PLEKHG5: variants seen among roughly 807,000 people sequenced by gnomAD.
PLEKHG5 encodes pleckstrin homology domain-containing family G member 5.
A neutral mutation model predicts 103.8 loss-of-function variants in PLEKHG5; 52 were observed. The ratio of observed to expected loss-of-function variants is 0.50; its 90% CI spans 0.40 to 0.63. The LOEUF (loss-of-function observed/expected upper bound fraction) is 0.63, where lower values mean the gene tolerates loss of function less well. PLEKHG5 is among the 30% of genes least tolerant of loss of function. PLEKHG5 has a pLI of 0.00. For missense variants in PLEKHG5, 1,205 were observed against 1,347.6 expected, an observed-to-expected ratio of 0.89 and a Z score of 1.66; for synonymous variants, 592 against 575.5, an observed-to-expected ratio of 1.03 and a Z score of -0.41.
chr1:6,467,293 C>T lies in PLEKHG5; in HGVS notation c.*270G>A. 1 of 593,440 alleles carries T rather than the reference C, an allele frequency of 1.7e-6. No individual in the cohort carries two copies. The highest frequency in any genetic ancestry group is 1.9e-5 in the South Asian group (1 of 53,206). The allele number at this position is 593,440 out of a possible 1,614,324, so 36.8% of individuals were successfully genotyped here. ...GAAGTAGGATGGGCAGCCTAGGAGC[C>T]CAGCCCTGAAGACTCGAGCTGAGCT... On this transcript the variant is annotated 3_prime_UTR_variant, in exon 21 of 21. Transcript: ENST00000377728.
Position 6,485,387 on chromosome 1 carries a change from C to T in PLEKHG5, c.-88+6250G>A, listed in dbSNP as rs1468295319. The T allele has an allele frequency of 2.1e-6, 3 of 1,398,776 alleles. No homozygotes were observed. The African/African-American group carries it at 4.6e-5, about 21-fold the overall frequency. The allele number at this position is 1,398,776 out of a possible 1,614,324, so 86.6% of individuals were successfully genotyped here. On this transcript the variant is annotated intron_variant, in intron 1 of 20. Coordinates refer to ENST00000377728, the MANE Select transcript of PLEKHG5 (RefSeq NM_020631.6). Reference sequence around the variant, plus strand: ...AGGGCTCCGAGTCCCGGAGGGGCAGCCCCGGGCCCGGCCTGGAGGCTGCTA... The same window carrying T: ...AGGGCTCCGAGTCCCGGAGGGGCAGTCCCGGGCCCGGCCTGGAGGCTGCTA...
At chr1:6,516,267 A>G (rs1405532999) in intron 1 of PLEKHG5, among the ~76,000 whole-genome samples, 5 of 152,134 alleles carry the variant, frequency 3.3e-5, no homozygotes, top group Non-Finnish European at 7.3e-5. Flanking sequence ...CAAAAGAAAA[A>G]ACAAATAGGT....
chr1:6,496,927 G>T, upstream of PLEKHG5: 2 of 1,489,804 alleles, frequency 1.3e-6, no homozygotes, highest in East Asian at 5.3e-5. Context: ...GGGGGAAGGG[G>T]CTCCAAGATC....
upstream of PLEKHG5, among the ~76,000 whole-genome samples, chr1:6,501,143 T>G (rs922580966): frequency 6.6e-6 from 1 of 152,144 alleles, no homozygotes; most frequent in African/African-American, 2.4e-5. The surrounding 1 kb of genome is among the most constrained non-coding windows in gnomAD (Gnocchi z 4.3). Flanking sequence ...TCTGGACGGC[T>G]CCAGCTCCCG....
chr1:6,515,005 G>C (rs144511910), intron 1 of PLEKHG5, among the ~76,000 whole-genome samples: 2,357 of 152,180 alleles, frequency 0.015, 24 homozygotes, highest in Middle Eastern at 0.037. Flanking sequence ...AGTGAACCAA[G>C]ATGGTACCAC....
chr1:6,472,852 C>T (rs915305659), intron 9 of PLEKHG5, 134 bp downstream of exon 9: 26 of 862,598 alleles, frequency 3.0e-5, no homozygotes, highest in Non-Finnish European at 5.0e-5. Context: ...CATCTAGCCT[C>T]AGTGTCTCCA....
In PLEKHG5 at chr1:6,505,015, C is replaced by T. The variant is rs919292225; in HGVS notation, c.-164-8446G>A. Among the ~76,000 whole-genome samples, 91 of 152,098 alleles carry T rather than the reference C, an allele frequency of 6.0e-4. No homozygotes were observed. Among genetic ancestry groups the T allele is most frequent in the African/African-American group, 2.1e-3 (85 of 41,406 alleles). Reference sequence around the variant, plus strand: ...AGGACCACGCCAGCCTGGGGAGACTCATCCAGGACAGGCTCCTGCTCCCTG... The same window carrying T: ...AGGACCACGCCAGCCTGGGGAGACTTATCCAGGACAGGCTCCTGCTCCCTG... On this transcript the variant is annotated intron_variant, in intron 1 of 21. Transcript: ENST00000377740. The surrounding 1 kb of genome is among the most constrained non-coding windows in gnomAD (Gnocchi z 4.2).
At chr1:6,510,879 A>G (rs1023384236) in intron 1 of PLEKHG5, among the ~76,000 whole-genome samples, 1 of 152,160 alleles carries the variant, frequency 6.6e-6, no homozygotes, top group African/African-American at 2.4e-5. Context: ...ACTTTAGGTC[A>G]GGAGTTCGAG....
At chr1:6,512,218 C>A (rs377323193) in intron 1 of PLEKHG5, among the ~76,000 whole-genome samples, 1 of 152,180 alleles carries the variant, frequency 6.6e-6, no homozygotes, top group Admixed American at 6.5e-5. Flanking sequence ...ACCCTCCATA[C>A]CATTGGCTCC....
chr1:6,477,976 T>C (rs1227186952), intron 1 of PLEKHG5, among the ~76,000 whole-genome samples: 1 of 151,896 alleles, frequency 6.6e-6, no homozygotes, highest in Admixed American at 6.6e-5. Context: ...CGCCTCCTGG[T>C]TTCACGCAAT....
In PLEKHG5 at chr1:6,474,024, G is replaced by A. The variant is rs754964019; in HGVS notation, c.580C>T (p.Leu194=). The A allele has an allele frequency of 7.2e-7, 1 of 1,382,216 alleles. No homozygotes were observed. Among genetic ancestry groups the A allele is most frequent in the Non-Finnish European group, 9.7e-7 (1 of 1,033,154 alleles). The allele number at this position is 1,382,216 out of a possible 1,614,324, so 85.6% of individuals were successfully genotyped here. The change falls in exon 7 of 21, where the codon CTG becomes TTG. Residue 194 remains leucine, a synonymous_variant. Coordinates refer to ENST00000377728, the MANE Select transcript of PLEKHG5 (RefSeq NM_020631.6). ...RVDAQSRRES[L]DILAPGRRRK... is the part of the protein sequence containing the mutation. ...CCCCTCCTCCTCACCAAGATGTCCAGGCTCTCCCGGCGGCTCTGGGCGTCC... is the reference window on the plus strand; with the variant it reads ...CCCCTCCTCCTCACCAAGATGTCCAAGCTCTCCCGGCGGCTCTGGGCGTCC...
At position 6,470,608 on chromosome 1, in the gene PLEKHG5, G is replaced by T; in HGVS notation, c.1578C>A (p.Asn526Lys). 6.3e-7 allele frequency: 1 copy of T among 1,596,930 alleles called. No homozygotes were observed. Among genetic ancestry groups the T allele is most frequent in the Non-Finnish European group, 8.5e-7 (1 of 1,176,570 alleles). Reference sequence around the variant, plus strand: ...GCTCCTGCCGCTGCCGCATGCACGCGTTCACGTGGTGGATGAAGCGCTCCA... The same window carrying T: ...GCTCCTGCCGCTGCCGCATGCACGCTTTCACGTGGTGGATGAAGCGCTCCA... The part of the protein sequence containing the change: ...GSVERFIHHV[N>K]ACMRQRQERQ... The change falls in exon 15 of 21, where the codon AAC becomes AAA. Residue 526 changes from asparagine to lysine, a missense_variant. Transcript: ENST00000377728.
chr1:6,467,772 C>A lies in PLEKHG5; in HGVS notation c.3011+53G>T, dbSNP rs539221335. On this transcript the variant is annotated intron_variant, in intron 20 of 20. Transcript: ENST00000377728. ...TGCGATGCTCCCAGGCATGAGTGGG[C>A]CCCCATGCCAGTGCCCTGAGCCACC... 1.2e-5 allele frequency: 19 copies of A among 1,594,352 alleles called. No homozygotes were observed. In the East Asian group the frequency reaches 3.8e-4, roughly 32 times the overall value.
At chr1:6,494,118 ATTTTTTTTTTTTT>A (rs36105555), upstream of PLEKHG5, among the ~76,000 whole-genome samples, 2 of 75,722 alleles carry the variant, frequency 2.6e-5, no homozygotes, top group African/African-American at 1.0e-4. Context: ...CACCTGGCTA[ATTTTTTTTTTTTT>A]TTTTTTTTTT....
chr1:6,519,770 C>T (rs1404376889), exon 1 of PLEKHG5: 2 of 585,396 alleles, frequency 3.4e-6, no homozygotes, highest in African/African-American at 3.7e-5. Context: ...TTTGAAGGCA[C>T]AGACTTCGCA....
intron 12 of PLEKHG5, 58 bp downstream of exon 12, chr1:6,471,429 GC>G (rs1644583200): frequency 6.4e-7 from 1 of 1,555,664 alleles, no homozygotes; most frequent in African/African-American, 1.4e-5. Flanking sequence ...GGCCGTGGAG[GC>G]TTTTCGGCGC....
At chr1:6,472,064 G>A (rs1481687107) in intron 10 of PLEKHG5, among the ~76,000 whole-genome samples, 1 of 152,208 alleles carries the variant, frequency 6.6e-6, no homozygotes, top group South Asian at 2.1e-4. Context: ...GGGGAGACTG[G>A]CTTTGAAGCC....
In PLEKHG5 at chr1:6,477,647, G is replaced by C. The variant is rs568824796; in HGVS notation, c.-76C>G. ...GGCGGTGCAGCTGCTGGCAGTCGGCGTGGTGACATACCTGGGGTGGGGACA... is the reference window on the plus strand; with the variant it reads ...GGCGGTGCAGCTGCTGGCAGTCGGCCTGGTGACATACCTGGGGTGGGGACA... On this transcript the variant is annotated 5_prime_UTR_variant, in exon 2 of 21. Coordinates refer to ENST00000377728, the MANE Select transcript of PLEKHG5 (RefSeq NM_020631.6). 2 of 1,604,214 alleles carry C rather than the reference G, an allele frequency of 1.2e-6. No individual in the cohort carries two copies. Among genetic ancestry groups the C allele is most frequent in the African/African-American group, 1.3e-5 (1 of 74,276 alleles).
intron 1 of PLEKHG5, among the ~76,000 whole-genome samples, chr1:6,488,878 G>T (rs1025501013): frequency 6.6e-6 from 1 of 152,054 alleles, no homozygotes; most frequent in Non-Finnish European, 1.5e-5. Context: ...GAATAATGGA[G>T]TCTCCAAGGC....
Sources: allele counts gnomAD v4.1 joint callset (sites outside exome capture counted in the v4.1 genomes callset), GRCh38; gene constraint gnomAD v4.1.1; non-coding constraint Gnocchi (gnomAD v3.1); transcripts MANE v1.5; gene names NCBI Gene and HGNC (gene_info 2026-07-23, HGNC 2026-07-21).